INPP1: variants seen among roughly 807,000 people sequenced by gnomAD.
INPP1 encodes the protein inositol polyphosphate 1-phosphatase.
A neutral mutation model predicts 23.0 loss-of-function variants in INPP1; 18 were observed. That is an observed-to-expected ratio of 0.78 (90% CI 0.54 to 1.16). INPP1 has a LOEUF of 1.16. Ranked by LOEUF, INPP1 falls within the 50% of genes most tolerant of loss-of-function variation. The probability of loss-of-function intolerance (pLI) is 0.00; values close to 1 mark genes in which losing one functional copy is unlikely to be tolerated. For missense variants in INPP1, 448 were observed against 482.1 expected, an observed-to-expected ratio of 0.93 and a Z score of 0.66; for synonymous variants, 164 against 176.3, an observed-to-expected ratio of 0.93 and a Z score of 0.55.
rs1449845376 is a variant in INPP1, at chr2:190,360,087, A to G, written c.-16A>G. The G allele has an allele frequency of 3.1e-6, 5 of 1,610,986 alleles. No individual in the cohort carries two copies. Among genetic ancestry groups the G allele is most frequent in the Non-Finnish European group, 4.2e-6 (5 of 1,178,758 alleles). ...CAATTCCACCAGCAGCTGCAACTGA[A>G]AAGCAAGGTTCAGAAATGTCAGATA... On this transcript the variant is annotated 5_prime_UTR_variant, in exon 3 of 7. Coordinates refer to ENST00000392329, the MANE Select transcript of INPP1 (RefSeq NM_001128928.2).
chr2:190,348,925 C>T lies in INPP1; in HGVS notation c.-171C>T, dbSNP rs755413119. On this transcript the variant is annotated 5_prime_UTR_variant, in exon 2 of 7. Transcript: ENST00000392329. ...TACATCATGTGGCCGAGTTTATATA[C>T]CTGATTGGCAAAACAGAGCCTAAGA... 6.6e-6 allele frequency: 1 copy of T among 152,148 alleles called. No homozygotes were observed. The highest frequency in any genetic ancestry group is 2.4e-5 in the African/African-American group (1 of 41,436). 9.4% of individuals were successfully genotyped at this position (152,148 alleles called of 1,614,324 possible).
At chr2:190,361,214 C>T (rs2067414) in intron 3 of INPP1, among the ~76,000 whole-genome samples, 62,568 of 152,072 alleles carry the variant, frequency 0.41, 14,891 homozygotes, top group African/African-American at 0.66. Flanking sequence ...TTTTTGAACA[C>T]AGGCAGACTG....
rs930258204 is a variant in INPP1, at chr2:190,370,186, A to C, written c.642-658A>C. 2.0e-5 allele frequency among the ~76,000 whole-genome samples: 3 copies of C among 152,230 alleles called. No homozygotes were observed. The East Asian group carries it at 5.8e-4, about 29-fold the overall frequency. On this transcript the variant is annotated intron_variant, in intron 6 of 6. Coordinates refer to ENST00000392329, the MANE Select transcript of INPP1 (RefSeq NM_001128928.2). ...GTTTATGGCACAGATTCAGAGTGAG[A>C]CTTTGTGGGTTTGAATGCAGATTCT... is the stretch of plus-strand genomic sequence containing the variant.
At position 190,345,467 on chromosome 2, in the gene INPP1, C is replaced by T. The variant is rs906281242; in HGVS notation, c.-209+1506C>T. 2 of 152,124 alleles carry T rather than the reference C, an allele frequency of 1.3e-5. No homozygotes were observed. Among genetic ancestry groups the T allele is most frequent in the East Asian group, 3.8e-4 (2 of 5,204 alleles). 9.4% of individuals were successfully genotyped at this position (152,124 alleles called of 1,614,324 possible). ...TGCTTTTTAATTCTGTCTCTAATAA[C>T]AGTTAGAAAATGTCTCATTCTATTT... On this transcript the variant is annotated intron_variant, in intron 1 of 6. Transcript: ENST00000392329. This position sits in a 1 kb window ranked among gnomAD's most constrained non-coding sequence, Gnocchi z 4.9.
chr2:190,370,368 C>T (rs930374519), intron 6 of INPP1, among the ~76,000 whole-genome samples: 1 of 152,154 alleles, frequency 6.6e-6, no homozygotes, highest in African/African-American at 2.4e-5. Context: ...ACATTGAGTC[C>T]ATCTTTCTTT....
rs1689786838 is a variant in INPP1, at chr2:190,370,864, G to C, written c.662G>C (p.Trp221Ser). ...NTLRWKGQCY[W>S]GLSYMGTNMH... is the part of the protein sequence containing the mutation. Reference sequence around the variant, plus strand: ...TACAGGTGGAAAGGACAGTGCTATTGGGGCCTTTCTTACATGGGGACCAAC... The same window carrying C: ...TACAGGTGGAAAGGACAGTGCTATTCGGGCCTTTCTTACATGGGGACCAAC... Residue 221 changes from tryptophan to serine, a missense_variant, in exon 7 of 7, where the codon TGG (tryptophan) becomes TCG (serine). Transcript: ENST00000392329. 7 of 1,611,964 alleles carry C rather than the reference G, an allele frequency of 4.3e-6. No individual in the cohort carries two copies. The highest frequency in any genetic ancestry group is 5.9e-6 in the Non-Finnish European group (7 of 1,178,710).
chr2:190,369,099 T>A lies in INPP1; in HGVS notation c.467-4T>A. 6.5e-7 allele frequency: 1 copy of A among 1,545,916 alleles called. No individual in the cohort carries two copies. The highest frequency in any genetic ancestry group is 1.8e-5 in the Admixed American group (1 of 55,208). Reference sequence around the variant, plus strand: ...AATCCAAACACATTTGTTTCCTTTTTCAGATTCAACTTATCAGTATATAAA... The same window carrying A: ...AATCCAAACACATTTGTTTCCTTTTACAGATTCAACTTATCAGTATATAAA... On this transcript the variant is annotated splice_polypyrimidine_tract_variant and splice_region_variant and intron_variant, in intron 5 of 6. Transcript: ENST00000392329.
intron 4 of INPP1, 120 bp from the exon 5 acceptor site, chr2:190,366,575 C>T: frequency 2.7e-6 from 2 of 752,290 alleles, no homozygotes; most frequent in Non-Finnish European, 4.6e-6. Context: ...GTGTCTCTCG[C>T]TCTCTCTCTG....
chr2:190,366,494 GCTCT>G (rs1689676649), intron 4 of INPP1, among the ~76,000 whole-genome samples, 197 bp from the exon 5 acceptor site: 2 of 135,588 alleles, frequency 1.5e-5, no homozygotes, highest in Non-Finnish European at 3.2e-5. Flanking sequence ...TGTGTCTCTC[GCTCT>G]CTCTGTGTGT....
intron 2 of INPP1, among the ~76,000 whole-genome samples, chr2:190,353,373 C>T (rs1689359594): frequency 6.6e-6 from 1 of 152,142 alleles, no homozygotes; most frequent in Non-Finnish European, 1.5e-5. Context: ...CAAAAAGGAA[C>T]TTTATTTGGG....
At chr2:190,344,313 T>C (rs888617612) in intron 1 of INPP1, 1 of 153,140 alleles carries the variant, frequency 6.5e-6, no homozygotes, top group African/African-American at 2.4e-5. Flanking sequence ...AAAAATCCAG[T>C]CATTAGTATT....
rs1372598699 is a variant in INPP1, at chr2:190,367,361, C to T, written c.466+466C>T. Among the ~76,000 whole-genome samples the T allele has an allele frequency of 2.0e-5, 3 of 152,064 alleles. No homozygotes were observed. Among genetic ancestry groups the T allele is most frequent in the East Asian group, 1.9e-4 (1 of 5,200 alleles). The stretch of plus-strand genomic sequence containing the variant: ...AGAAACCAAAATCCAAGGTTTTCAG[C>T]GATATATCCCAATTTCTAACCGTTA... On this transcript the variant is annotated intron_variant, in intron 5 of 6. Transcript: ENST00000392329. The surrounding 1 kb of genome is among the most constrained non-coding windows in gnomAD (Gnocchi z 4.1).
In INPP1 at chr2:190,352,264, T is replaced by G. The variant is rs1398990420; in HGVS notation, c.-65+3233T>G. Among the ~76,000 whole-genome samples, 1 of 152,134 alleles carries G rather than the reference T, an allele frequency of 6.6e-6. No individual in the cohort carries two copies. The highest frequency in any genetic ancestry group is 2.4e-5 in the African/African-American group (1 of 41,422). On this transcript the variant is annotated intron_variant, in intron 2 of 6. Coordinates refer to ENST00000392329, the MANE Select transcript of INPP1 (RefSeq NM_001128928.2). The surrounding 1 kb of genome is among the most constrained non-coding windows in gnomAD (Gnocchi z 4.7). The stretch of plus-strand genomic sequence containing the variant: ...AGGAGAGCAAATGGATAGTGCAAAA[T>G]CAGCTACTAAAAGGCTAAACTTAAT...
At chr2:190,360,795 ACTTGATATGTTAAGTCCTAC>A (rs1229046495) in intron 3 of INPP1, among the ~76,000 whole-genome samples, 1 of 146,750 alleles carries the variant, frequency 6.8e-6, no homozygotes, top group Non-Finnish European at 1.5e-5. Context: ...TTTTTTTTTA[ACTTGATATGTTAAGTCCTAC>A]CTTGTGGATC....
At chr2:190,358,021 T>C (rs2067395) in intron 2 of INPP1, among the ~76,000 whole-genome samples, 61,868 of 150,942 alleles carry the variant, frequency 0.41, 14,709 homozygotes, top group African/African-American at 0.66. Flanking sequence ...CCATTGCATC[T>C]ATGTCTTCAG....
At chr2:190,369,796 C>T (rs981786241) in intron 6 of INPP1, among the ~76,000 whole-genome samples, 2 of 152,182 alleles carry the variant, frequency 1.3e-5, no homozygotes, top group Non-Finnish European at 2.9e-5. Flanking sequence ...TTAAACAGAG[C>T]GTAGAAAGTG....
rs1445905801 is a variant in INPP1, at chr2:190,371,641, C to G, written c.*239C>G. ...ATTGTGCTGTTAGTGCTGCTTGAAA[C>G]ATTTCAATAAAATATTGACCAGGAG... On this transcript the variant is annotated 3_prime_UTR_variant, in exon 7 of 7. Transcript: ENST00000392329. The surrounding 1 kb of genome is among the most constrained non-coding windows in gnomAD (Gnocchi z 5.3). 8.1e-6 allele frequency: 3 copies of G among 369,984 alleles called. No individual in the cohort carries two copies. Among genetic ancestry groups the G allele is most frequent in the Non-Finnish European group, 1.4e-5 (3 of 208,488 alleles). 22.9% of individuals were successfully genotyped at this position (369,984 alleles called of 1,614,324 possible).
chr2:190,368,112 C>T lies in INPP1; in HGVS notation c.467-991C>T, dbSNP rs1186473587. 2.0e-5 allele frequency among the ~76,000 whole-genome samples: 3 copies of T among 152,142 alleles called. No homozygotes were observed. The highest frequency in any genetic ancestry group is 4.4e-5 in the Non-Finnish European group (3 of 68,034). On this transcript the variant is annotated intron_variant, in intron 5 of 6. Transcript: ENST00000392329. The surrounding 1 kb of genome is among the most constrained non-coding windows in gnomAD (Gnocchi z 4.3). Reference sequence around the variant, plus strand: ...TATATGGAAACTAAAAACCTTTCCCCAAATCTTTGATCATTTAAGGGTAAA... The same window carrying T: ...TATATGGAAACTAAAAACCTTTCCCTAAATCTTTGATCATTTAAGGGTAAA...
intron 3 of INPP1, among the ~76,000 whole-genome samples, chr2:190,361,965 A>C (rs1689543266): frequency 6.6e-6 from 1 of 152,208 alleles, no homozygotes; most frequent in Admixed American, 6.5e-5. Context: ...TATTACAGAG[A>C]GGATCAGAAG....
Sources: gnomAD v4.1 joint callset for allele counts (sites outside exome capture counted in the v4.1 genomes callset) on GRCh38, gnomAD v4.1.1 for gene constraint, Gnocchi (gnomAD v3.1) non-coding constraint, MANE v1.5 for transcripts, NCBI Gene and HGNC (gene_info 2026-07-23, HGNC 2026-07-21) for gene names.